The following DAB1 variants were observed in gnomAD, a reference collection of about 807,000 sequenced individuals.
The protein encoded by DAB1 is disabled homolog 1.
Under a neutral mutation model 64.6 loss-of-function variants are expected in DAB1, and 15 were observed. The observed-to-expected ratio is 0.23, with a 90% CI of 0.16 to 0.36. The LOEUF is 0.36. Ranked by LOEUF, DAB1 falls within the 10% of genes least tolerant of loss-of-function variation. DAB1 has a pLI of 1.00. For missense variants in DAB1, 596 were observed against 706.7 expected, an observed-to-expected ratio of 0.84 and a Z score of 1.78; for synonymous variants, 235 against 251.9, an observed-to-expected ratio of 0.93 and a Z score of 0.64.
At chr1:57,610,819 T>A (rs925385121) in intron 7 of DAB1, among the ~76,000 whole-genome samples, 1 of 152,204 alleles carries the variant, frequency 6.6e-6, no homozygotes, top group Non-Finnish European at 1.5e-5. Context: ...GGTCCGTTTC[T>A]CAACATCTGG....
chr1:58,063,064 A>G (rs1346679668), intron 5 of DAB1, among the ~76,000 whole-genome samples: 1 of 152,218 alleles, frequency 6.6e-6, no homozygotes, highest in Non-Finnish European at 1.5e-5. Context: ...GGAATAAGCA[A>G]GGCAACATTG....
intron 5 of DAB1, among the ~76,000 whole-genome samples, chr1:58,130,417 C>G (rs962350899): frequency 7.9e-5 from 12 of 151,776 alleles, no homozygotes; most frequent in African/African-American, 2.7e-4. Context: ...ATCCAACTTG[C>G]CAGTCTGTGC....
At chr1:57,894,419 T>TCCTTAA (rs1644364292) in intron 5 of DAB1, among the ~76,000 whole-genome samples, 1 of 152,136 alleles carries the variant, frequency 6.6e-6, no homozygotes, top group Non-Finnish European at 1.5e-5. Flanking sequence ...GAGGCCTCTT[T>TCCTTAA]AAGGAAGTGA....
chr1:57,033,968 T>C (rs544247406), intron 9 of DAB1, among the ~76,000 whole-genome samples: 1 of 152,166 alleles, frequency 6.6e-6, no homozygotes. Flanking sequence ...TTTATACATG[T>C]TGTCTTCTCT....
At chr1:57,343,981 A>G (rs933442078) in intron 1 of DAB1, among the ~76,000 whole-genome samples, 6 of 152,246 alleles carry the variant, frequency 3.9e-5, no homozygotes, top group African/African-American at 4.8e-5. Flanking sequence ...ACTCTGATTG[A>G]CTGAGATCCA....
At chr1:57,973,151 A>C (rs1457384122) in intron 5 of DAB1, among the ~76,000 whole-genome samples, 1 of 152,186 alleles carries the variant, frequency 6.6e-6, no homozygotes, top group Non-Finnish European at 1.5e-5. Flanking sequence ...TTTGACACAT[A>C]GATATTTACA....
chr1:57,481,522 C>T (rs1006840133), intron 7 of DAB1, among the ~76,000 whole-genome samples: 2 of 152,098 alleles, frequency 1.3e-5, no homozygotes, highest in African/African-American at 2.4e-5. Context: ...AATACAGCCA[C>T]GATGATGACG....
chr1:58,065,650 CG>C (rs1307381856), intron 5 of DAB1, among the ~76,000 whole-genome samples: 1 of 152,050 alleles, frequency 6.6e-6, no homozygotes, highest in Non-Finnish European at 1.5e-5. Flanking sequence ...GTCAAGTTGG[CG>C]GGCTCCCCTG....
chr1:58,096,200 A>T (rs1650968921), intron 5 of DAB1, among the ~76,000 whole-genome samples: 1 of 152,236 alleles, frequency 6.6e-6, no homozygotes, highest in African/African-American at 2.4e-5. Flanking sequence ...AACTACTAAG[A>T]TTTAAAAATA....
chr1:58,429,247 T>C (rs1036138993), intron 3 of DAB1, among the ~76,000 whole-genome samples: 1 of 152,192 alleles, frequency 6.6e-6, no homozygotes, highest in Non-Finnish European at 1.5e-5. Context: ...AAATTGTTTG[T>C]AATTTTAAAT....
At chr1:57,240,681 A>G (rs563048079) in intron 2 of DAB1, among the ~76,000 whole-genome samples, 1 of 152,324 alleles carries the variant, frequency 6.6e-6, no homozygotes, top group African/African-American at 2.4e-5. Context: ...AATAAGAGAC[A>G]AGAATGATGA....
At chr1:58,322,270 T>C (rs556649656) in intron 4 of DAB1, among the ~76,000 whole-genome samples, 1 of 152,202 alleles carries the variant, frequency 6.6e-6, no homozygotes, top group Non-Finnish European at 1.5e-5. Context: ...AGCTGCTGCA[T>C]AGCAAAAGAA....
chr1:58,526,725 C>G (rs1646355819), intron 2 of DAB1, among the ~76,000 whole-genome samples: 1 of 151,828 alleles, frequency 6.6e-6, no homozygotes, highest in South Asian at 2.1e-4. Context: ...ACAGGATCAA[C>G]CTATCTTCAA....
intron 1 of DAB1, among the ~76,000 whole-genome samples, chr1:57,416,689 T>C (rs987203496): frequency 2.6e-5 from 4 of 152,168 alleles, no homozygotes; most frequent in Admixed American, 2.6e-4. Context: ...ATTTCAATAT[T>C]GTCTATGGAA....
chr1:58,162,825 G>T (rs938030427), intron 4 of DAB1, among the ~76,000 whole-genome samples: 2 of 152,144 alleles, frequency 1.3e-5, no homozygotes, highest in Non-Finnish European at 1.5e-5. Context: ...GGAAGGAATT[G>T]CAGCTGCCAA....
Position 57,643,166 on chromosome 1 carries a change from C to T in DAB1, n.625+6426G>A, listed in dbSNP as rs147933316. ...CTGGGGGCAATATACCTGCCAATTA[C>T]GGAGATTTTTCTAGCCAGGTTTGTG... On this transcript the variant is annotated intron_variant and non_coding_transcript_variant, in intron 7 of 20. Coordinates refer to the DAB1 transcript ENST00000485760. Among the ~76,000 whole-genome samples, 246 of 152,288 alleles carry T rather than the reference C, an allele frequency of 1.6e-3. 3 individuals carry two copies. Among genetic ancestry groups the T allele is most frequent in the Admixed American group, 9.1e-3 (139 of 15,294 alleles).
At chr1:57,107,025 T>G (rs978380075) in intron 4 of DAB1, among the ~76,000 whole-genome samples, 1 of 151,942 alleles carries the variant, frequency 6.6e-6, no homozygotes, top group Non-Finnish European at 1.5e-5. Context: ...TATCTCTAAT[T>G]GATAGATAAG....
chr1:57,729,461 G>C (rs1321993907), intron 6 of DAB1, among the ~76,000 whole-genome samples: 1 of 152,232 alleles, frequency 6.6e-6, no homozygotes, highest in African/African-American at 2.4e-5. Context: ...GGCCACAGCT[G>C]TCCAGGCAAA....
At chr1:58,500,541 T>C (rs1645889690) in intron 3 of DAB1, among the ~76,000 whole-genome samples, 1 of 152,194 alleles carries the variant, frequency 6.6e-6, no homozygotes, top group Non-Finnish European at 1.5e-5. Flanking sequence ...TTAATATGAA[T>C]GCAGCCACCA....
Sources: gnomAD v4.1 joint callset for allele counts (sites outside exome capture counted in the v4.1 genomes callset) on GRCh38, gnomAD v4.1.1 for gene constraint, MANE v1.5 for transcripts, NCBI Gene and HGNC (gene_info 2026-07-23, HGNC 2026-07-21) for gene names.